Variants in IRS1 observed in about 807,000 individuals in gnomAD.
IRS1 encodes insulin receptor substrate 1.
In IRS1, 34 loss-of-function variants were observed where a neutral mutation model predicts 65.6. The observed-to-expected ratio is 0.52, with a 90% CI of 0.39 to 0.69. IRS1 has a LOEUF of 0.69. IRS1 is among the 30% of genes least tolerant of loss of function. IRS1 has a pLI of 0.00. For missense variants in IRS1, 1,641 were observed against 1,720.2 expected (o/e 0.95, Z 0.81); for synonymous variants, 699 against 683.5 (o/e 1.02, Z -0.35).
rs1454559943 is a variant in IRS1, at chr2:226,797,738, C to T, written c.1001G>A (p.Gly334Asp). Residue 334 changes from glycine (G) to aspartate (D), a missense_variant, in exon 1 of 2, where the codon GGC (glycine) becomes GAC (aspartate). Coordinates refer to ENST00000305123, the MANE Select transcript of IRS1 (RefSeq NM_005544.3). The surrounding 1 kb of genome is among the most constrained non-coding windows in gnomAD (Gnocchi z 8.1). The part of the protein sequence containing the change: ...FRVRASSDGE[G>D]TMSRPASVDG... ...CACCGAGGCTGGGCGGGACATGGTG[C>T]CTTCGCCGTCACTGGAGGCGCGGAC... 5 of 1,596,502 alleles carry T rather than the reference C, an allele frequency of 3.1e-6. No individual in the cohort carries two copies. The highest frequency in any genetic ancestry group is 2.2e-5 in the East Asian group (1 of 44,822).
intron 1 of IRS1, among the ~76,000 whole-genome samples, chr2:226,778,832 A>G (rs1939326864): frequency 6.6e-6 from 1 of 152,204 alleles, no homozygotes; most frequent in Non-Finnish European, 1.5e-5. Context: ...CTCGACTTTC[A>G]TGTAAGACAA....
Position 226,795,276 on chromosome 2 carries a change from C to T in IRS1, c.3463G>A (p.Glu1155Lys). The T allele has an allele frequency of 6.2e-7, 1 of 1,613,970 alleles. No homozygotes were observed. Residue 1155 changes from glutamate (E) to lysine (K), a missense_variant, in exon 1 of 2, where the codon GAG becomes AAG. This residue lies in a region of IRS1 where 1,324 missense variants were observed against 1,361.0 expected (regional missense o/e 0.97). Coordinates refer to ENST00000305123, the MANE Select transcript of IRS1 (RefSeq NM_005544.3). ...SFENVWLRPG[E>K]LGGAPKEPAK... ...GGCTCCTTGGGGGCTCCCCCAAGCT[C>T]CCCAGGCCTCAGCCACACATTCTCA... is the stretch of plus-strand genomic sequence containing the variant.
chr2:226,736,929 ACT>A (rs965653622), intron 1 of IRS1, among the ~76,000 whole-genome samples: 9 of 151,086 alleles, frequency 6.0e-5, no homozygotes, highest in African/African-American at 1.5e-4. Context: ...CAGAGTGAAG[ACT>A]CTTTTTTTTT....
In IRS1 at chr2:226,754,136, C is replaced by T. The variant is rs147064175; in HGVS notation, c.*22-17886G>A. Among the ~76,000 whole-genome samples the T allele has an allele frequency of 5.3e-4, 81 of 152,344 alleles. No individual in the cohort carries two copies. In the East Asian group the frequency reaches 0.015, roughly 29 times the overall value. On this transcript the variant is annotated intron_variant, in intron 1 of 1. Transcript: ENST00000305123. ...CAAGATTATAGGCACGAGCCACCAC[C>T]CTTGGCCTCAGCCTATCTTTTAATG...
intron 1 of IRS1, among the ~76,000 whole-genome samples, chr2:226,766,283 C>T (rs1939047409): frequency 6.7e-6 from 1 of 148,208 alleles, no homozygotes; most frequent in African/African-American, 2.5e-5. Flanking sequence ...TGTGCCTTAG[C>T]CTCCTGAGTA....
intron 1 of IRS1, among the ~76,000 whole-genome samples, chr2:226,755,041 C>G (rs993508024): frequency 6.6e-6 from 1 of 152,124 alleles, no homozygotes; most frequent in Non-Finnish European, 1.5e-5. Flanking sequence ...TTTATTGATC[C>G]CATAAAATAG....
At chr2:226,742,726 A>AAAAAAAAAAAAAAAAAAAAG (rs1431863272) in intron 1 of IRS1, among the ~76,000 whole-genome samples, 30 of 147,892 alleles carry the variant, frequency 2.0e-4, no homozygotes, top group East Asian at 1.5e-3. Context: ...AAAAAAAAAA[A>AAAAAAAAAAAAAAAAAAAAG]AGAAGACCGA....
chr2:226,754,658 T>C (rs781646559), intron 1 of IRS1, among the ~76,000 whole-genome samples: 29 of 152,318 alleles, frequency 1.9e-4, no homozygotes, highest in African/African-American at 6.3e-4. Flanking sequence ...ATCTTTCATC[T>C]AAATAGAGTC....
chr2:226,798,790 C>G lies in IRS1; in HGVS notation c.-52G>C. ...GCAGAGGGAGGCTCCGAAAAACAACCGGGTGGGGGGCGGAGGCTCCTCGCC... is the reference window on the plus strand; with the variant it reads ...GCAGAGGGAGGCTCCGAAAAACAACGGGGTGGGGGGCGGAGGCTCCTCGCC... On this transcript the variant is annotated 5_prime_UTR_variant, in exon 1 of 2. Transcript: ENST00000305123. The surrounding 1 kb of genome is among the most constrained non-coding windows in gnomAD (Gnocchi z 9.4). 4 of 1,574,680 alleles carry G rather than the reference C, an allele frequency of 2.5e-6. No homozygotes were observed. The South Asian group carries it at 3.4e-5, about 13-fold the overall frequency.
In IRS1 at chr2:226,797,480, G is replaced by A; in HGVS notation, c.1259C>T (p.Pro420Leu). 1 of 1,613,636 alleles carries A rather than the reference G, an allele frequency of 6.2e-7. No homozygotes were observed. The highest frequency in any genetic ancestry group is 8.5e-7 in the Non-Finnish European group (1 of 1,179,984). The change falls in exon 1 of 2, where the codon CCC becomes CTC. Residue 420 changes from proline to leucine, a missense_variant. Around this residue, in one of 3 missense-constraint regions of IRS1, gnomAD observed 1,324 missense variants for 1,361.0 expected, o/e 0.97. Coordinates refer to ENST00000305123, the MANE Select transcript of IRS1 (RefSeq NM_005544.3). This position sits in a 1 kb window ranked among gnomAD's most constrained non-coding sequence, Gnocchi z 8.1. Reference protein sequence around the residue: ...RRSSASVSGSPSDGGFISSDE... With the variant: ...RRSSASVSGSLSDGGFISSDE... ...CGAGGAGATGAAACCGCCATCGCTG[G>A]GGGAACCAGACACCGAAGCACTAGA... is the stretch of plus-strand genomic sequence containing the variant.
chr2:226,766,159 A>ATTTTTTTTTTT (rs1433312154), intron 1 of IRS1, among the ~76,000 whole-genome samples: 4 of 5,756 alleles, frequency 6.9e-4, no homozygotes, highest in Non-Finnish European at 1.6e-3. Context: ...ATATATATAT[A>ATTTTTTTTTTT]TATATTTTTT....
chr2:226,780,163 C>A (rs911626030), intron 1 of IRS1, among the ~76,000 whole-genome samples: 2 of 152,050 alleles, frequency 1.3e-5, no homozygotes, highest in South Asian at 2.1e-4. Flanking sequence ...GAGGCCGAGG[C>A]GGGCGAAACA....
intron 1 of IRS1, among the ~76,000 whole-genome samples, chr2:226,753,953 A>T (rs1219501942): frequency 6.6e-6 from 1 of 152,116 alleles, no homozygotes; most frequent in Non-Finnish European, 1.5e-5. Context: ...CCCGGGCTCA[A>T]ACAATCCTCC....
chr2:226,796,477 C>G lies in IRS1; in HGVS notation c.2262G>C (p.Glu754Asp), dbSNP rs1939728754. The change falls in exon 1 of 2, where the codon GAG becomes GAC. Residue 754 changes from glutamate to aspartate, a missense_variant. This residue lies in a region of IRS1 where 1,324 missense variants were observed against 1,361.0 expected (regional missense o/e 0.97). Transcript: ENST00000305123. ...AGAGGACTGGCTTGTGCTGGGGGTC[C>G]TCAGGGCCGTAGTAGCAGTCGGAGG... ...SSPSDCYYGP[E>D]DPQHKPVLSY... 1 of 1,613,694 alleles carries G rather than the reference C, an allele frequency of 6.2e-7. No homozygotes were observed. Among genetic ancestry groups the G allele is most frequent in the Admixed American group, 1.7e-5 (1 of 60,000 alleles).
rs1939843538 is a variant in IRS1 at position 226,799,399 on chromosome 2, C to G, written c.-661G>C. On this transcript the variant is annotated 5_prime_UTR_variant, in exon 1 of 2. Coordinates refer to ENST00000305123, the MANE Select transcript of IRS1 (RefSeq NM_005544.3). This position sits in a 1 kb window ranked among gnomAD's most constrained non-coding sequence, Gnocchi z 6.1. ...CTGCTGCTGCTGCTGCTGCCGCCGCCCGCGGGCGCGTCCTCTGCAGCCCCC... is the reference window on the plus strand; with the variant it reads ...CTGCTGCTGCTGCTGCTGCCGCCGCGCGCGGGCGCGTCCTCTGCAGCCCCC... The G allele has an allele frequency of 7.9e-7, 1 of 1,266,946 alleles. No individual in the cohort carries two copies. Among genetic ancestry groups the G allele is most frequent in the Non-Finnish European group, 1.0e-6 (1 of 972,552 alleles). The allele number at this position is 1,266,946 out of a possible 1,614,324, so 78.5% of individuals were successfully genotyped here.
intron 1 of IRS1, among the ~76,000 whole-genome samples, chr2:226,742,418 G>T (rs1428959927): frequency 6.6e-6 from 1 of 152,198 alleles, no homozygotes; most frequent in Non-Finnish European, 1.5e-5. Flanking sequence ...AAAGAACTTG[G>T]TTTTGTGGTC....
At chr2:226,762,629 C>A (rs59218292) in intron 1 of IRS1, among the ~76,000 whole-genome samples, 12,305 of 152,216 alleles carry the variant, frequency 0.081, 876 homozygotes, top group African/African-American at 0.19. Flanking sequence ...AATAAGCTTT[C>A]CAGAAACAGG....
intron 1 of IRS1, among the ~76,000 whole-genome samples, chr2:226,754,347 A>G (rs1259956987): frequency 6.6e-6 from 1 of 152,204 alleles, no homozygotes; most frequent in Non-Finnish European, 1.5e-5. Context: ...AACTAACCCA[A>G]CCCACAAACA....
chr2:226,762,302 C>T (rs1938931408), intron 1 of IRS1, among the ~76,000 whole-genome samples: 1 of 148,394 alleles, frequency 6.7e-6, no homozygotes, highest in Non-Finnish European at 1.5e-5. Flanking sequence ...AATAGACAGA[C>T]AGCTCATACC....
Sources: allele counts gnomAD v4.1 joint callset (sites outside exome capture counted in the v4.1 genomes callset), GRCh38; gene constraint gnomAD v4.1.1; regional missense constraint gnomAD v4.1.1; non-coding constraint Gnocchi (gnomAD v3.1); transcripts MANE v1.5; gene names NCBI Gene and HGNC (gene_info 2026-07-23, HGNC 2026-07-21).